SNX25: variants seen among roughly 807,000 people sequenced by gnomAD.
SNX25 encodes sorting nexin-25.
SNX25 carries 62 observed loss-of-function variants against 113.7 expected under a neutral mutation model. The observed-to-expected ratio is 0.55, with a 90% CI of 0.44 to 0.67. The LOEUF is 0.67. Among genes scored for constraint, SNX25 ranks in the 30% least tolerant of loss-of-function variants. The probability of loss-of-function intolerance (pLI) is 0.00; values close to 1 mark genes in which losing one functional copy is unlikely to be tolerated. For synonymous variants in SNX25, 421 were observed against 436.2 expected (o/e 0.97, Z 0.43); for missense variants, 1,014 against 1,161.0 (o/e 0.87, Z 1.84).
At chr4:185,376,689 T>C in the SNX25 span, among the ~76,000 whole-genome samples, 1 of 152,168 alleles carries the variant, frequency 6.6e-6, no homozygotes, top group East Asian at 1.9e-4. Flanking sequence ...CTAAAACGAC[T>C]CCCATAAATG....
At chr4:185,349,695 TTCAAG>T (rs1454001387) in intron 13 of SNX25, among the ~76,000 whole-genome samples, 11 of 152,348 alleles carry the variant, frequency 7.2e-5, no homozygotes, top group African/African-American at 2.6e-4. Context: ...TTTGTGTCTA[TTCAAG>T]TCCTTTGCCC....
chr4:185,227,083 C>G (rs1741117154), intron 1 of SNX25, among the ~76,000 whole-genome samples: 1 of 152,214 alleles, frequency 6.6e-6, no homozygotes, highest in Non-Finnish European at 1.5e-5. Context: ...TTAGGCACCA[C>G]AGCCACGCAG....
chr4:185,223,028 A>G lies in SNX25; in HGVS notation c.429+12773A>G, dbSNP rs573993730. Among the ~76,000 whole-genome samples, 6 of 152,330 alleles carry G rather than the reference A, an allele frequency of 3.9e-5. No individual in the cohort carries two copies. The East Asian group carries it at 1.2e-3, about 29-fold the overall frequency. On this transcript the variant is annotated intron_variant, in intron 1 of 18. Coordinates refer to ENST00000652585, the MANE Select transcript of SNX25 (RefSeq NM_001378034.2). ...TTACAAACCTTTTTATTATACAATA[A>G]AGAATGCAGATTCAGAAAATCCAAC... is the stretch of plus-strand genomic sequence containing the variant.
In SNX25 at chr4:185,209,621, TG is replaced by T; in HGVS notation, c.-204del. 1.8e-6 allele frequency: 1 copy of T among 542,260 alleles called. No homozygotes were observed. The highest frequency in any genetic ancestry group is 2.4e-6 in the Non-Finnish European group (1 of 424,930). The allele number at this position is 542,260 out of a possible 1,614,324, so 33.6% of individuals were successfully genotyped here. On this transcript the variant is annotated 5_prime_UTR_variant, in exon 1 of 19. Coordinates refer to ENST00000652585, the MANE Select transcript of SNX25 (RefSeq NM_001378034.2). This position sits in a 1 kb window ranked among gnomAD's most constrained non-coding sequence, Gnocchi z 5.2. The stretch of plus-strand genomic sequence containing the variant: ...TCAGTCACAACACGGTGGGGCTCCC[TG>T]GCTGCGCCCGGCCCGGCAGCTACGG...
chr4:185,373,168 C>T (rs1341974560), downstream of SNX25: 7 of 1,148,048 alleles, frequency 6.1e-6, no homozygotes, highest in Non-Finnish European at 8.8e-6. Context: ...TCTGTGTTTC[C>T]TAGATAGCAC....
intron 10 of SNX25, among the ~76,000 whole-genome samples, chr4:185,336,638 TC>T (rs927289991): frequency 6.6e-6 from 1 of 152,244 alleles, no homozygotes; most frequent in Non-Finnish European, 1.5e-5. Context: ...TGTGCAAGTA[TC>T]TTTTTTGTAT....
At chr4:185,279,253 C>T (rs189642788) in intron 5 of SNX25, among the ~76,000 whole-genome samples, 108 of 152,224 alleles carry the variant, frequency 7.1e-4, no homozygotes, top group African/African-American at 2.6e-3. Context: ...TCCAGAACCT[C>T]CTACCTGATG....
intron 6 of SNX25, among the ~76,000 whole-genome samples, chr4:185,289,608 C>T (rs1376752215): frequency 1.3e-5 from 2 of 152,154 alleles, no homozygotes; most frequent in East Asian, 1.9e-4. Flanking sequence ...TGAATGAGGA[C>T]GTCTTTAAAT....
At chr4:185,206,685 A>T (rs1041079536), upstream of SNX25, among the ~76,000 whole-genome samples, 1 of 150,406 alleles carries the variant, frequency 6.6e-6, no homozygotes, top group African/African-American at 2.5e-5. Flanking sequence ...AAAAAAAAGA[A>T]TGGAAGATGT....
chr4:185,205,612 T>C (rs1304892891), upstream of SNX25, among the ~76,000 whole-genome samples: 1 of 152,158 alleles, frequency 6.6e-6, no homozygotes, highest in Non-Finnish European at 1.5e-5. Flanking sequence ...GCGGATCACC[T>C]GAGGTCAGGA....
intron 1 of SNX25, among the ~76,000 whole-genome samples, chr4:185,230,694 T>C (rs974180622): frequency 6.6e-5 from 10 of 152,188 alleles, no homozygotes; most frequent in Non-Finnish European, 1.5e-5. Flanking sequence ...CCACTGCGCC[T>C]GGCCCAGGGA....
intron 14 of SNX25, among the ~76,000 whole-genome samples, chr4:185,352,172 C>T (rs946911512): frequency 6.6e-6 from 1 of 152,154 alleles, no homozygotes; most frequent in African/African-American, 2.4e-5. Flanking sequence ...GCAGAGCTTT[C>T]GATCTCATCT....
chr4:185,289,498 G>A (rs1385524332), intron 6 of SNX25, among the ~76,000 whole-genome samples: 1 of 152,166 alleles, frequency 6.6e-6, no homozygotes. Context: ...ACTTGATGGG[G>A]CTGAAGAAAG....
At chr4:185,314,304 A>C (rs181468158) in intron 7 of SNX25, among the ~76,000 whole-genome samples, 26 of 146,032 alleles carry the variant, frequency 1.8e-4, no homozygotes, top group African/African-American at 6.6e-4. Context: ...GCCTGGGAAC[A>C]TACAAGACTC....
downstream of SNX25, chr4:185,370,895 C>T (rs2095412547): frequency 1.4e-6 from 2 of 1,450,472 alleles, no homozygotes; most frequent in South Asian, 1.2e-5. Context: ...AGAGACTGTC[C>T]TTGTGCCTGA....
intron 9 of SNX25, among the ~76,000 whole-genome samples, chr4:185,329,862 A>C (rs1433184682): frequency 6.6e-6 from 1 of 152,014 alleles, no homozygotes; most frequent in African/African-American, 2.4e-5. Context: ...TGTCTTCCTC[A>C]CGCAAATCAC....
chr4:185,281,818 C>T (rs1456046689), intron 5 of SNX25, among the ~76,000 whole-genome samples: 1 of 152,082 alleles, frequency 6.6e-6, no homozygotes, highest in East Asian at 1.9e-4. Context: ...GAGTTCAAGA[C>T]CAGCCTGGAC....
chr4:185,282,483 A>G (rs1241944281), intron 5 of SNX25, among the ~76,000 whole-genome samples: 2 of 152,186 alleles, frequency 1.3e-5, no homozygotes, highest in African/African-American at 4.8e-5. Context: ...ATCTGTAACT[A>G]TCTAAGGTGA....
chr4:185,245,119 AC>A (rs1458909794), intron 1 of SNX25, among the ~76,000 whole-genome samples: 2 of 151,804 alleles, frequency 1.3e-5, no homozygotes, highest in Non-Finnish European at 2.9e-5. Flanking sequence ...CTGGTCAAGA[AC>A]TTGTAATATT....
Sources: gnomAD v4.1 joint callset for allele counts (sites outside exome capture counted in the v4.1 genomes callset) on GRCh38, gnomAD v4.1.1 for gene constraint, Gnocchi (gnomAD v3.1) non-coding constraint, MANE v1.5 for transcripts, NCBI Gene and HGNC (gene_info 2026-07-23, HGNC 2026-07-21) for gene names.